Variants in ASTN1 observed in about 807,000 individuals in gnomAD.
ASTN1 encodes astrotactin 1, also known as astrotactin-1.
ASTN1 carries 41 observed loss-of-function variants against 140.7 expected under a neutral mutation model. The observed-to-expected ratio is 0.29, with a 90% confidence interval of 0.23 to 0.38. The LOEUF (loss-of-function observed/expected upper bound fraction) is 0.38, where lower values mean the gene tolerates loss of function less well. Among genes scored for constraint, ASTN1 ranks in the 10% least tolerant of loss-of-function variants. The pLI is 1.00. For synonymous variants in ASTN1, 640 were observed against 652.2 expected, an observed-to-expected ratio of 0.98 and a Z score of 0.29; for missense variants, 1,479 against 1,678.8, an observed-to-expected ratio of 0.88 and a Z score of 2.08.
intron 14 of ASTN1, among the ~76,000 whole-genome samples, chr1:176,938,498 G>C (rs1671546775): frequency 6.6e-6 from 1 of 152,198 alleles, no homozygotes; most frequent in Non-Finnish European, 1.5e-5. Flanking sequence ...GAGCTCTAAG[G>C]CTGGCTGTGT....
intron 7 of ASTN1, among the ~76,000 whole-genome samples, chr1:177,015,090 C>T (rs1488517857): frequency 6.6e-6 from 1 of 152,146 alleles, no homozygotes; most frequent in Non-Finnish European, 1.5e-5. Context: ...GTGTGTGATA[C>T]TTTTCATAGA....
At chr1:177,108,347 CA>C (rs71129596) in intron 1 of ASTN1, among the ~76,000 whole-genome samples, 32,901 of 98,200 alleles carry the variant, frequency 0.34, 3,352 homozygotes, top group Non-Finnish European at 0.4. Flanking sequence ...GACTCCGTCT[CA>C]AAAAAAAAAA....
chr1:176,921,741 AC>A (rs1670732399), intron 16 of ASTN1, among the ~76,000 whole-genome samples: 1 of 151,980 alleles, frequency 6.6e-6, no homozygotes, highest in Admixed American at 6.6e-5. Flanking sequence ...CTATCTCCCA[AC>A]CCCAACCTCA....
rs58390538 is a variant in ASTN1 at position 177,121,083 on chromosome 1, C to CATATAT, written c.283+43305_283+43310dup. ...GTTGTTGCTATTGCTGCTGGTGATACATATATATATATATACATGCACTAT... is the reference window on the plus strand; with the variant it reads ...GTTGTTGCTATTGCTGCTGGTGATACATATATATATATATATATATACATGCACTAT... On this transcript the variant is annotated intron_variant, in intron 1 of 22. Coordinates refer to ENST00000361833, the MANE Select transcript of ASTN1 (RefSeq NM_004319.3). Among the ~76,000 whole-genome samples, 1,289 of 149,076 alleles carry CATATAT rather than the reference C, an allele frequency of 8.6e-3. 11 individuals carry two copies. The highest frequency in any genetic ancestry group is 0.021 in the Middle Eastern group (6 of 286).
intron 8 of ASTN1, among the ~76,000 whole-genome samples, chr1:176,992,433 G>C (rs1309707773): frequency 6.6e-6 from 1 of 151,802 alleles, no homozygotes; most frequent in Admixed American, 6.6e-5. Context: ...AATTTGCCTT[G>C]AACGTTGTAA....
chr1:177,146,074 C>A (rs995092730), intron 1 of ASTN1, among the ~76,000 whole-genome samples: 1 of 151,896 alleles, frequency 6.6e-6, no homozygotes, highest in African/African-American at 2.4e-5. Flanking sequence ...ACCCACTGCA[C>A]GTTAACATAA....
At chr1:177,049,415 C>T (rs1677422221) in intron 2 of ASTN1, among the ~76,000 whole-genome samples, 1 of 152,086 alleles carries the variant, frequency 6.6e-6, no homozygotes, top group South Asian at 2.1e-4. Flanking sequence ...ATTGAAAAAG[C>T]AAGTCAATTT....
intron 1 of ASTN1, among the ~76,000 whole-genome samples, chr1:177,137,152 A>C (rs1037829403): frequency 6.6e-6 from 1 of 152,208 alleles, no homozygotes; most frequent in African/African-American, 2.4e-5. Context: ...TGTGGTTCTA[A>C]ATAGTCACAA....
chr1:176,992,934 T>C (rs1415791381), intron 8 of ASTN1, among the ~76,000 whole-genome samples: 4 of 152,238 alleles, frequency 2.6e-5, no homozygotes, highest in Non-Finnish European at 1.5e-5. Flanking sequence ...AATGTCATTA[T>C]GGATAATCAG....
At chr1:177,056,591 A>G (rs1379938091) in intron 2 of ASTN1, among the ~76,000 whole-genome samples, 2 of 150,688 alleles carry the variant, frequency 1.3e-5, no homozygotes, top group East Asian at 1.9e-4. Context: ...ATATATACAC[A>G]TATCTCCAAA....
At chr1:176,931,413 C>T (rs545168421) in intron 16 of ASTN1, among the ~76,000 whole-genome samples, 1 of 152,210 alleles carries the variant, frequency 6.6e-6, no homozygotes, top group African/African-American at 2.4e-5. Flanking sequence ...TTGCGGTGAG[C>T]CGAGATCACG....
chr1:177,086,039 C>G (rs1474657504), intron 1 of ASTN1, among the ~76,000 whole-genome samples: 3 of 152,140 alleles, frequency 2.0e-5, no homozygotes, highest in African/African-American at 7.2e-5. Flanking sequence ...GTCTGCAGAG[C>G]CCATTTTATG....
In ASTN1 at chr1:176,864,344, C is replaced by G. The variant is rs144824957; in HGVS notation, c.3825G>C (p.Thr1275=). 3 of 1,614,010 alleles carry G rather than the reference C, an allele frequency of 1.9e-6. No individual in the cohort carries two copies. Among genetic ancestry groups the G allele is most frequent in the African/African-American group, 1.3e-5 (1 of 74,896 alleles). ...GGATACTCAGGGTCTGCTCCTCACACGTCTTCCTGAGGTCCCGGCTGAGCT... is the reference window on the plus strand; with the variant it reads ...GGATACTCAGGGTCTGCTCCTCACAGGTCTTCCTGAGGTCCCGGCTGAGCT... The part of the protein sequence containing the change: ...WAELSRDLRK[T]CEEQTLSIPY... The change falls in exon 23 of 23, where the codon ACG becomes ACC. Residue 1275 remains threonine (T), a synonymous_variant. Transcript: ENST00000361833.
At chr1:176,998,736 G>C (rs538297146) in intron 8 of ASTN1, among the ~76,000 whole-genome samples, 17 of 152,340 alleles carry the variant, frequency 1.1e-4, no homozygotes, top group African/African-American at 3.8e-4. Flanking sequence ...GTGAGAGGGA[G>C]AGCAAGACAT....
At chr1:176,970,706 C>T (rs2101861403) in intron 8 of ASTN1, among the ~76,000 whole-genome samples, 1 of 146,476 alleles carries the variant, frequency 6.8e-6, no homozygotes, top group South Asian at 2.2e-4. Context: ...ATATATGTAT[C>T]TGTGTATATA....
chr1:176,857,497 G>A (rs1667848076), downstream of ASTN1: 3 of 426,450 alleles, frequency 7.0e-6, no homozygotes, highest in Non-Finnish European at 1.3e-5. Flanking sequence ...CCTGCTTTGA[G>A]GGGATGGAAG....
At chr1:177,004,555 C>T (rs1363111135) in intron 8 of ASTN1, among the ~76,000 whole-genome samples, 2 of 152,148 alleles carry the variant, frequency 1.3e-5, no homozygotes, top group African/African-American at 4.8e-5. Flanking sequence ...AATCTTGATG[C>T]ATCATATTAC....
At chr1:177,011,011 T>A (rs894383447) in intron 8 of ASTN1, among the ~76,000 whole-genome samples, 3 of 152,110 alleles carry the variant, frequency 2.0e-5, no homozygotes, top group African/African-American at 7.2e-5. Context: ...TATGGGAGCT[T>A]TAATGTCCAC....
intron 8 of ASTN1, among the ~76,000 whole-genome samples, chr1:176,991,242 C>T (rs918768111): frequency 1.1e-4 from 16 of 151,824 alleles, no homozygotes; most frequent in Admixed American, 9.2e-4. Context: ...GGAGAAACCC[C>T]GTCTCTACTA....
Sources: allele counts gnomAD v4.1 joint callset (sites outside exome capture counted in the v4.1 genomes callset), GRCh38; gene constraint gnomAD v4.1.1; transcripts MANE v1.5; gene names NCBI Gene and HGNC (gene_info 2026-07-23, HGNC 2026-07-21).